ADAMTS17: variants seen among roughly 807,000 people sequenced by gnomAD.
The protein encoded by ADAMTS17 is A disintegrin and metalloproteinase with thrombospondin motifs 17.
ADAMTS17 carries 113 observed loss-of-function variants against 141.5 expected under a neutral mutation model. The ratio of observed to expected loss-of-function variants is 0.80; its 90% CI spans 0.69 to 0.93. The LOEUF (loss-of-function observed/expected upper bound fraction) is 0.93. ADAMTS17 is among the 40% of genes least tolerant of loss of function. The pLI is 0.00. For synonymous variants in ADAMTS17, 768 were observed against 630.6 expected (o/e 1.22, Z -3.27); for missense variants, 1,659 against 1,517.9 (o/e 1.09, Z -1.54).
intron 7 of ADAMTS17, among the ~76,000 whole-genome samples, chr15:100,220,660 T>C (rs1055520082): frequency 2.0e-5 from 3 of 152,158 alleles, no homozygotes; most frequent in African/African-American, 7.2e-5. Context: ...ATGAAAGATG[T>C]GAGATCACAG....
chr15:100,272,145 TCTTA>T (rs1465878571), intron 4 of ADAMTS17, among the ~76,000 whole-genome samples: 4 of 152,170 alleles, frequency 2.6e-5, no homozygotes, highest in Non-Finnish European at 5.9e-5. Context: ...GAAGTGTGAG[TCTTA>T]CTGTGTTCTT....
intron 7 of ADAMTS17, among the ~76,000 whole-genome samples, chr15:100,209,113 C>CAAAAAAAAA (rs60742726): frequency 2.1e-5 from 2 of 96,956 alleles, no homozygotes; most frequent in Admixed American, 2.1e-4. Flanking sequence ...GCCAAGTTAG[C>CAAAAAAAAA]AAAAAAAAAA....
chr15:100,282,865 TA>T (rs1567483332), intron 3 of ADAMTS17, among the ~76,000 whole-genome samples: 2 of 152,202 alleles, frequency 1.3e-5, no homozygotes, highest in Admixed American at 1.3e-4. Flanking sequence ...GAAGCCGATA[TA>T]AATCTGCATG....
intron 12 of ADAMTS17, among the ~76,000 whole-genome samples, chr15:100,125,638 G>T (rs1252374972): frequency 3.3e-5 from 5 of 152,046 alleles, no homozygotes; most frequent in Non-Finnish European, 1.5e-5. Flanking sequence ...ACTGTCGAGG[G>T]GTAACAGAAG....
At chr15:100,299,770 A>AT (rs968305430) in intron 3 of ADAMTS17, among the ~76,000 whole-genome samples, 1 of 152,162 alleles carries the variant, frequency 6.6e-6, no homozygotes, top group Non-Finnish European at 1.5e-5. Context: ...GGGCCAGGCC[A>AT]TTGTGTGACT....
chr15:100,171,786 A>G (rs1224674178), intron 8 of ADAMTS17, among the ~76,000 whole-genome samples: 1 of 152,130 alleles, frequency 6.6e-6, no homozygotes, highest in Non-Finnish European at 1.5e-5. Flanking sequence ...GGGCTGGTAA[A>G]TGTTCATAAA....
intron 9 of ADAMTS17, among the ~76,000 whole-genome samples, 200 bp from the exon 10 acceptor site, chr15:100,152,962 A>ATTATTAT (rs1210749221): frequency 2.0e-5 from 3 of 151,386 alleles, no homozygotes; most frequent in Non-Finnish European, 2.9e-5. Flanking sequence ...CCAAATGTGA[A>ATTATTAT]TCTTCGCTCT....
At chr15:100,167,808 G>A (rs184016190) in intron 8 of ADAMTS17, among the ~76,000 whole-genome samples, 7 of 152,330 alleles carry the variant, frequency 4.6e-5, no homozygotes, top group African/African-American at 1.7e-4. Flanking sequence ...GTTTTTAGAG[G>A]ACGATAATTT....
chr15:100,073,339 G>T (rs2034121378), intron 15 of ADAMTS17, among the ~76,000 whole-genome samples: 3 of 152,202 alleles, frequency 2.0e-5, no homozygotes, highest in Non-Finnish European at 4.4e-5. Flanking sequence ...TTCAACCATT[G>T]TGGAAGTCAG....
At chr15:99,998,432 G>A (rs1291415527) in intron 18 of ADAMTS17, among the ~76,000 whole-genome samples, 3 of 152,020 alleles carry the variant, frequency 2.0e-5, no homozygotes, top group African/African-American at 4.8e-5. Context: ...GTGAAACCCC[G>A]TCTCTACTAA....
At chr15:100,176,689 G>C (rs569648479) in intron 8 of ADAMTS17, among the ~76,000 whole-genome samples, 19 of 137,426 alleles carry the variant, frequency 1.4e-4, no homozygotes, top group African/African-American at 3.8e-4. Flanking sequence ...TATATCACGT[G>C]TGTATCTTTG....
At chr15:100,210,051 G>A (rs778737897) in intron 7 of ADAMTS17, among the ~76,000 whole-genome samples, 15 of 151,842 alleles carry the variant, frequency 9.9e-5, no homozygotes, top group East Asian at 1.9e-4. Flanking sequence ...TGGCTAACAC[G>A]GTGAAACCCC....
intron 20 of ADAMTS17, among the ~76,000 whole-genome samples, chr15:99,991,245 T>C (rs2060684155): frequency 6.6e-6 from 1 of 152,120 alleles, no homozygotes; most frequent in Admixed American, 6.5e-5. Context: ...ACCTACAGAA[T>C]GGGAAAAAAT....
intron 8 of ADAMTS17, among the ~76,000 whole-genome samples, chr15:100,194,475 C>T (rs1187427996): frequency 6.6e-6 from 1 of 152,224 alleles, no homozygotes; most frequent in Non-Finnish European, 1.5e-5. Flanking sequence ...ACAATCCAAA[C>T]AGCTGCATTA....
At chr15:100,091,643 G>A (rs766240548) in intron 15 of ADAMTS17, among the ~76,000 whole-genome samples, 3 of 152,134 alleles carry the variant, frequency 2.0e-5, no homozygotes, top group East Asian at 1.9e-4. Context: ...GAGATGTCTT[G>A]GGGCTCCCAT....
rs143784921 is a variant in ADAMTS17, at chr15:100,153,848, A to C, written c.1323-1086T>G. 2.5e-3 allele frequency among the ~76,000 whole-genome samples: 376 copies of C among 152,182 alleles called. 1 individual carries two copies. The highest frequency in any genetic ancestry group is 8.5e-3 in the African/African-American group (353 of 41,520). On this transcript the variant is annotated intron_variant, in intron 9 of 21. Coordinates refer to ENST00000268070, the MANE Select transcript of ADAMTS17 (RefSeq NM_139057.4). Reference sequence around the variant, plus strand: ...CTGGTTTACTTCTGGGCTCACACACACTACTTGTCACCAGTGCTGTGTACA... The same window carrying C: ...CTGGTTTACTTCTGGGCTCACACACCCTACTTGTCACCAGTGCTGTGTACA...
chr15:100,057,478 A>G (rs1255832818), intron 15 of ADAMTS17, among the ~76,000 whole-genome samples: 2 of 152,130 alleles, frequency 1.3e-5, no homozygotes, highest in African/African-American at 2.4e-5. Context: ...GCTGAGTCCC[A>G]TATCCACACC....
chr15:100,184,793 C>CA (rs1491098840), intron 8 of ADAMTS17, among the ~76,000 whole-genome samples: 1 of 152,150 alleles, frequency 6.6e-6, no homozygotes. Context: ...CCGTAGCCCC[C>CA]TGTCACAGCC....
intron 4 of ADAMTS17, among the ~76,000 whole-genome samples, chr15:100,269,080 A>C (rs1363025229): frequency 2.0e-5 from 3 of 152,246 alleles, no homozygotes; most frequent in African/African-American, 7.2e-5. Flanking sequence ...AGCTATATGC[A>C]GAAGAATGAA....
Sources: allele counts gnomAD v4.1 joint callset (sites outside exome capture counted in the v4.1 genomes callset), GRCh38; gene constraint gnomAD v4.1.1; transcripts MANE v1.5; gene names NCBI Gene and HGNC (gene_info 2026-07-23, HGNC 2026-07-21).